Variants in ZSCAN2 observed in about 807,000 individuals in gnomAD.
ZSCAN2 encodes the protein zinc finger and SCAN domain-containing protein 2.
ZSCAN2 carries 26 observed loss-of-function variants against 47.8 expected under a neutral mutation model. The ratio of observed to expected loss-of-function variants is 0.54; its 90% CI spans 0.40 to 0.75. The LOEUF is 0.75. Ranked by LOEUF, ZSCAN2 falls within the 30% of genes least tolerant of loss-of-function variation. The probability of loss-of-function intolerance (pLI) is 0.00; values close to 1 mark genes in which losing one functional copy is unlikely to be tolerated. For missense variants in ZSCAN2, 732 were observed against 785.4 expected (o/e 0.93, Z 0.81); for synonymous variants, 305 against 288.7 (o/e 1.06, Z -0.57).
At position 84,622,650 on chromosome 15, in the gene ZSCAN2, T is replaced by C. The variant is rs1166414571; in HGVS notation, c.*610T>C. The C allele has an allele frequency of 1.4e-6, 1 of 717,462 alleles. No homozygotes were observed. The highest frequency in any genetic ancestry group is 2.0e-5 in the Admixed American group (1 of 50,020). 44.4% of individuals were successfully genotyped at this position (717,462 alleles called of 1,614,324 possible). A position where few individuals can be genotyped will look rare whatever the true frequency, so the allele number is the denominator to read the frequency against. On this transcript the variant is annotated 3_prime_UTR_variant, in exon 3 of 3. Coordinates refer to ENST00000546148, the MANE Select transcript of ZSCAN2 (RefSeq NM_181877.4). ...AAAGACCCTTTCTATTTCCAGAAAG[T>C]GTCAGGAGCACAGAAACTTGAGGAA...
chr15:84,608,319 C>T (rs1045650642), intron 2 of ZSCAN2, among the ~76,000 whole-genome samples: 54 of 151,878 alleles, frequency 3.6e-4, no homozygotes, highest in African/African-American at 1.3e-3. Context: ...CACTCGAGGC[C>T]AGGAGTTCGA....
At chr15:84,609,860 CTG>C (rs1281145247) in intron 2 of ZSCAN2, among the ~76,000 whole-genome samples, 1 of 152,254 alleles carries the variant, frequency 6.6e-6, no homozygotes, top group East Asian at 1.9e-4. Flanking sequence ...GCACCAAAGA[CTG>C]TGACCAGTTT....
chr15:84,606,379 G>A, intron 2 of ZSCAN2: 1 of 659,192 alleles, frequency 1.5e-6, no homozygotes, highest in East Asian at 2.8e-5. Context: ...TTGAGTGGTG[G>A]AGCCAGGATT....
At chr15:84,613,533 C>A (rs906289241) in intron 2 of ZSCAN2, among the ~76,000 whole-genome samples, 4 of 152,126 alleles carry the variant, frequency 2.6e-5, no homozygotes, top group Non-Finnish European at 5.9e-5. Flanking sequence ...GTCTAGAACT[C>A]CTGACCTCAG....
Position 84,620,862 on chromosome 15 carries a change from G to A in ZSCAN2, c.667G>A (p.Glu223Lys), listed in dbSNP as rs762700700. 10 of 1,614,028 alleles carry A rather than the reference G, an allele frequency of 6.2e-6. No homozygotes were observed. The East Asian group carries it at 6.7e-5, about 11-fold the overall frequency. ...CACCTACCTAGGGGAGAAGCCCTAC[G>A]AATGTCCCCAGTGTGGGAAGACCTT... ...QGTYLGEKPY[E>K]CPQCGKTFSR... Residue 223 changes from glutamate to lysine, a missense_variant, in exon 3 of 3, where the codon GAA (glutamate) becomes AAA (lysine). By Grantham distance (56) the Glu-to-Lys change is moderately conservative. Transcript: ENST00000546148.
rs747208984 is a variant in ZSCAN2 at position 84,605,225 on chromosome 15, C to T, written c.406+892C>T. On this transcript the variant is annotated intron_variant, in intron 2 of 2. Coordinates refer to ENST00000546148, the MANE Select transcript of ZSCAN2 (RefSeq NM_181877.4). ...TTGGGATTCTGGCTTGCCGTTTAAC[C>T]GCTGTCTCCCTCCTGGTTTTCCATT... Among the ~76,000 whole-genome samples the T allele has an allele frequency of 4.6e-5, 7 of 152,318 alleles. No homozygotes were observed. In the South Asian group the frequency reaches 1.0e-3, roughly 23 times the overall value.
intron 2 of ZSCAN2, among the ~76,000 whole-genome samples, chr15:84,613,162 T>A (rs1037044199): frequency 6.6e-6 from 1 of 152,218 alleles, no homozygotes; most frequent in Non-Finnish European, 1.5e-5. Flanking sequence ...TTCATAGTCA[T>A]TATACAGATT....
chr15:84,613,791 C>T (rs1895620054), intron 2 of ZSCAN2, among the ~76,000 whole-genome samples: 1 of 151,682 alleles, frequency 6.6e-6, no homozygotes, highest in Admixed American at 6.6e-5. Context: ...CAACGATTCT[C>T]CTGCCTTAGC....
Position 84,621,874 on chromosome 15 carries a change from G to A in ZSCAN2, c.1679G>A (p.Cys560Tyr), listed in dbSNP as rs780293180. ...RAHLGDKPYR[C>Y]PECGKGFSWN... is the part of the protein sequence containing the mutation. ...CATTTGGGAGACAAGCCCTACAGGTGCCCTGAGTGTGGGAAAGGCTTTAGC... is the reference window on the plus strand; with the variant it reads ...CATTTGGGAGACAAGCCCTACAGGTACCCTGAGTGTGGGAAAGGCTTTAGC... The change falls in exon 3 of 3, where the codon TGC (cysteine) becomes TAC (tyrosine). Residue 560 changes from cysteine (C) to tyrosine (Y), a missense_variant. By Grantham distance (194) the Cys-to-Tyr change is radical. This residue lies in a region of ZSCAN2 where 412 missense variants were observed against 498.0 expected (regional missense o/e 0.83). Transcript: ENST00000546148. The surrounding 1 kb of genome is among the most constrained non-coding windows in gnomAD (Gnocchi z 5.7). The A allele has an allele frequency of 6.2e-7, 1 of 1,614,198 alleles. No homozygotes were observed. The highest frequency in any genetic ancestry group is 8.5e-7 in the Non-Finnish European group (1 of 1,180,030).
At chr15:84,603,731 C>A in intron 1 of ZSCAN2, 89 bp from the exon 2 acceptor site, 1 of 566,432 alleles carries the variant, frequency 1.8e-6, no homozygotes, top group Non-Finnish European at 3.0e-6. Flanking sequence ...TATGTAAGGG[C>A]CACTTGGTGG....
At chr15:84,602,819 C>T (rs189765346) in intron 1 of ZSCAN2, among the ~76,000 whole-genome samples, 575 of 152,062 alleles carry the variant, frequency 3.8e-3, no homozygotes, top group Non-Finnish European at 5.5e-3. Context: ...GAACTCCTGA[C>T]CTCAAGTGAT....
At chr15:84,609,948 A>G (rs12593423) in intron 2 of ZSCAN2, among the ~76,000 whole-genome samples, 134,794 of 152,254 alleles carry the variant, frequency 0.89, 59,775 homozygotes, top group African/African-American at 0.94. Context: ...GGTATGCTCT[A>G]TGGTGCGGGA....
At chr15:84,616,377 G>C in intron 2 of ZSCAN2, 1 of 1,609,816 alleles carries the variant, frequency 6.2e-7, no homozygotes, top group Non-Finnish European at 8.5e-7. Flanking sequence ...TTGCCTCTCT[G>C]AACCAAAGAA....
chr15:84,610,488 C>CTTTCTTT (rs747260232), intron 2 of ZSCAN2, among the ~76,000 whole-genome samples: 1 of 86,938 alleles, frequency 1.2e-5, no homozygotes, highest in Admixed American at 1.1e-4. Context: ...TTCTTTCTTT[C>CTTTCTTT]TTTTTTTTTT....
At chr15:84,604,475 G>T in intron 2 of ZSCAN2, 142 bp downstream of exon 2, 1 of 1,117,386 alleles carries the variant, frequency 8.9e-7, no homozygotes, top group Non-Finnish European at 1.2e-6. Context: ...CAGGCAGTCA[G>T]CGTGTTCATC....
chr15:84,621,628 CAT>C lies in ZSCAN2; in HGVS notation c.1434_1435del (p.Cys479TrpfsTer83), dbSNP rs765852935. Reference sequence around the variant, plus strand: ...GGGGAGAAACCCTACGAGTGCCTGACATGTGGGGAGAGCTTCAGCTGGAGCTC... The same window carrying C: ...GGGGAGAAACCCTACGAGTGCCTGACGTGGGGAGAGCTTCAGCTGGAGCTC... On this transcript the variant is annotated frameshift_variant, in exon 3 of 3. Coordinates refer to ENST00000546148, the MANE Select transcript of ZSCAN2 (RefSeq NM_181877.4). LOFTEE classifies it high-confidence loss of function. The surrounding 1 kb of genome is among the most constrained non-coding windows in gnomAD (Gnocchi z 5.7). The C allele has an allele frequency of 2.7e-5, 43 of 1,613,330 alleles. No homozygotes were observed. The highest frequency in any genetic ancestry group is 5.0e-5 in the Admixed American group (3 of 59,942).
intron 2 of ZSCAN2, among the ~76,000 whole-genome samples, chr15:84,609,344 C>G (rs1240639597): frequency 1.3e-5 from 2 of 149,200 alleles, no homozygotes; most frequent in Admixed American, 1.3e-4. Context: ...GAGAGAGAGA[C>G]AAAGTCTCAC....
At chr15:84,618,484 C>T (rs1895745385) in intron 2 of ZSCAN2, among the ~76,000 whole-genome samples, 1 of 151,788 alleles carries the variant, frequency 6.6e-6, no homozygotes, top group Non-Finnish European at 1.5e-5. Context: ...TCCTCAGGCT[C>T]ATCAAGAGGA....
intron 2 of ZSCAN2, chr15:84,616,206 C>T (rs1442425734): frequency 1.3e-6 from 1 of 748,178 alleles, no homozygotes; most frequent in East Asian, 2.6e-5. Flanking sequence ...CACTGCACTC[C>T]AGCCTGGGTG....
Sources: allele counts gnomAD v4.1 joint callset (sites outside exome capture counted in the v4.1 genomes callset), GRCh38; gene constraint gnomAD v4.1.1; regional missense constraint gnomAD v4.1.1; non-coding constraint Gnocchi (gnomAD v3.1); transcripts MANE v1.5; gene names NCBI Gene and HGNC (gene_info 2026-07-23, HGNC 2026-07-21).